BAZ1A: variants seen among roughly 807,000 people sequenced by gnomAD.
BAZ1A encodes the protein bromodomain adjacent to zinc finger domain 1A.
A neutral mutation model predicts 185.2 loss-of-function variants in BAZ1A; 50 were observed. The ratio of observed to expected loss-of-function variants is 0.27; its 90% CI spans 0.22 to 0.34. The LOEUF (loss-of-function observed/expected upper bound fraction) is 0.34. BAZ1A is among the 10% of genes least tolerant of loss of function. The pLI is 1.00. For missense variants in BAZ1A, 1,356 were observed against 1,839.9 expected, an observed-to-expected ratio of 0.74 and a Z score of 4.81; for synonymous variants, 571 against 615.6, an observed-to-expected ratio of 0.93 and a Z score of 1.07.
intron 3 of BAZ1A, among the ~76,000 whole-genome samples, chr14:34,857,919 C>T (rs1017155524): frequency 5.3e-5 from 8 of 152,178 alleles, no homozygotes; most frequent in Non-Finnish European, 1.2e-4. Flanking sequence ...CAACCACTTC[C>T]TCCCCTCACT....
At position 34,758,251 on chromosome 14, in the gene BAZ1A, G is replaced by A. The variant is rs10131860; in HGVS notation, c.4386+453C>T. On this transcript the variant is annotated intron_variant, in intron 25 of 26. Coordinates refer to ENST00000360310, the MANE Select transcript of BAZ1A (RefSeq NM_013448.3). ...GAACCAAAATATGCCACTGCACTCC[G>A]GCCTGGGCGACAGAAACCCTGTCTC... Among the ~76,000 whole-genome samples, 463 of 149,712 alleles carry A rather than the reference G, an allele frequency of 3.1e-3. 2 individuals carry two copies. The highest frequency in any genetic ancestry group is 0.011 in the African/African-American group (434 of 40,708).
At position 34,871,139 on chromosome 14, in the gene BAZ1A, G is replaced by T. The variant is rs138224936; in HGVS notation, c.113+3353C>A. ...ATCATTTTCCTATCCCACAAGTCAAGAAATTCTGTATTCAGACCTGTTCCA... is the reference window on the plus strand; with the variant it reads ...ATCATTTTCCTATCCCACAAGTCAATAAATTCTGTATTCAGACCTGTTCCA... On this transcript the variant is annotated intron_variant, in intron 2 of 26. Coordinates refer to ENST00000360310, the MANE Select transcript of BAZ1A (RefSeq NM_013448.3). Among the ~76,000 whole-genome samples the T allele has an allele frequency of 2.6e-3, 403 of 152,310 alleles. 1 individual carries two copies. Among genetic ancestry groups the T allele is most frequent in the Non-Finnish European group, 4.1e-3 (278 of 68,020 alleles).
intron 16 of BAZ1A, among the ~76,000 whole-genome samples, chr14:34,782,283 C>A (rs1228295536): frequency 1.3e-5 from 2 of 152,144 alleles, no homozygotes; most frequent in Non-Finnish European, 2.9e-5. Flanking sequence ...GAAGTGGTAT[C>A]TTACTGTGGT....
chr14:34,785,830 T>C lies in BAZ1A; in HGVS notation c.1778A>G (p.Asn593Ser), dbSNP rs1416183183. 1.9e-6 allele frequency: 3 copies of C among 1,613,940 alleles called. No homozygotes were observed. The East Asian group carries it at 6.7e-5, about 36-fold the overall frequency. The change falls in exon 14 of 27, where the codon AAT becomes AGT. Residue 593 changes from asparagine (N) to serine (S), a missense_variant. Physicochemically the swap from Asn to Ser is conservative, Grantham distance 46. Around this residue, in one of 7 missense-constraint regions of BAZ1A, gnomAD observed 184 missense variants for 355.1 expected, o/e 0.52. Coordinates refer to ENST00000360310, the MANE Select transcript of BAZ1A (RefSeq NM_013448.3). Reference sequence around the variant, plus strand: ...TGACAGTTTCTTCACTAGACTGGGATTGCTCAAACGAAGCTCCATACAAGC... The same window carrying C: ...TGACAGTTTCTTCACTAGACTGGGACTGCTCAAACGAAGCTCCATACAAGC... ...DDACMELRLS[N>S]PSLVKKLSST...
At chr14:34,875,040 G>C (rs1319724954) in intron 1 of BAZ1A, 98 bp downstream of exon 1, 2 of 257,946 alleles carry the variant, frequency 7.8e-6, no homozygotes, top group Non-Finnish European at 1.5e-5. Flanking sequence ...AACGCCGCCA[G>C]AGCGCTCGCC....
chr14:34,831,869 A>T (rs957033450), intron 3 of BAZ1A, among the ~76,000 whole-genome samples: 6 of 152,170 alleles, frequency 3.9e-5, no homozygotes, highest in Admixed American at 1.3e-4. Context: ...AAGTGAGAAT[A>T]TTATCGCTGA....
At chr14:34,866,980 C>G (rs986502914) in intron 2 of BAZ1A, among the ~76,000 whole-genome samples, 2 of 151,668 alleles carry the variant, frequency 1.3e-5, no homozygotes, top group East Asian at 1.9e-4. Flanking sequence ...AAAAAATCCG[C>G]CGGGCATGGT....
chr14:34,850,191 G>A (rs948870501), intron 3 of BAZ1A, among the ~76,000 whole-genome samples: 1 of 151,894 alleles, frequency 6.6e-6, no homozygotes, highest in Non-Finnish European at 1.5e-5. Context: ...CAGCCTGGGC[G>A]ACATGGCGAT....
chr14:34,778,436 TTC>T (rs1275030479), intron 17 of BAZ1A, among the ~76,000 whole-genome samples: 1 of 152,240 alleles, frequency 6.6e-6, no homozygotes, highest in African/African-American at 2.4e-5. Context: ...TATTTTTTCG[TTC>T]TATTTCTTTT....
At position 34,854,244 on chromosome 14, in the gene BAZ1A, T is replaced by C. The variant is rs556984977; in HGVS notation, c.392+7800A>G. 2.1e-4 allele frequency among the ~76,000 whole-genome samples: 32 copies of C among 151,984 alleles called. No individual in the cohort carries two copies. In the South Asian group the frequency reaches 6.2e-3, roughly 30 times the overall value. On this transcript the variant is annotated intron_variant, in intron 3 of 26. Transcript: ENST00000360310. Reference sequence around the variant, plus strand: ...GAGTTCGAGACCAGCCTGGCCAACATGGCAACTCCCTGTCTAAAAATACAA... The same window carrying C: ...GAGTTCGAGACCAGCCTGGCCAACACGGCAACTCCCTGTCTAAAAATACAA...
intron 4 of BAZ1A, among the ~76,000 whole-genome samples, chr14:34,820,917 G>T (rs910790342): frequency 6.6e-6 from 1 of 152,048 alleles, no homozygotes; most frequent in Non-Finnish European, 1.5e-5. Flanking sequence ...TTCATTGATC[G>T]ATCTGTCTAT....
intron 4 of BAZ1A, among the ~76,000 whole-genome samples, chr14:34,825,738 G>A (rs1049778444): frequency 2.6e-5 from 4 of 152,224 alleles, no homozygotes; most frequent in African/African-American, 9.6e-5. Context: ...AGGAGTTTGA[G>A]ACCAGCCTGG....
At chr14:34,839,125 G>A (rs1175832818) in intron 3 of BAZ1A, among the ~76,000 whole-genome samples, 1 of 152,150 alleles carries the variant, frequency 6.6e-6, no homozygotes, top group Non-Finnish European at 1.5e-5. Context: ...ACAGAAAACA[G>A]ATCAGTGGTT....
At chr14:34,822,189 G>C (rs539037318) in intron 4 of BAZ1A, among the ~76,000 whole-genome samples, 1 of 152,266 alleles carries the variant, frequency 6.6e-6, no homozygotes, top group South Asian at 2.1e-4. Flanking sequence ...CAGCTACTTG[G>C]GAGGCTGAGG....
chr14:34,785,747 G>C (rs1392260226), intron 14 of BAZ1A, 30 bp downstream of exon 14: 8 of 1,598,184 alleles, frequency 5.0e-6, no homozygotes, highest in Non-Finnish European at 6.9e-6. Flanking sequence ...AAGTGGGCAG[G>C]TTATGCAAAT....
chr14:34,875,329 G>A lies in BAZ1A; in HGVS notation c.-250C>T, dbSNP rs1389835968. 1.3e-5 allele frequency: 6 copies of A among 455,932 alleles called. No homozygotes were observed. The highest frequency in any genetic ancestry group is 2.6e-5 in the Non-Finnish European group (6 of 226,794). 28.2% of individuals were successfully genotyped at this position (455,932 alleles called of 1,614,324 possible). On this transcript the variant is annotated 5_prime_UTR_variant, in exon 1 of 27. Transcript: ENST00000360310. ...CACTTCCCCGCCTCTCGGAGCTCCTGGGAAGTTTCTGATCTACTTTCGGCT... is the reference window on the plus strand; with the variant it reads ...CACTTCCCCGCCTCTCGGAGCTCCTAGGAAGTTTCTGATCTACTTTCGGCT...
At chr14:34,784,549 G>C (rs370774747) in intron 14 of BAZ1A, among the ~76,000 whole-genome samples, 1 of 151,410 alleles carries the variant, frequency 6.6e-6, no homozygotes. Flanking sequence ...ACGGAGTCTC[G>C]CTCTGACGCC....
At chr14:34,757,322 G>A (rs565436116) in intron 25 of BAZ1A, among the ~76,000 whole-genome samples, 7 of 144,970 alleles carry the variant, frequency 4.8e-5, no homozygotes, top group Non-Finnish European at 1.0e-4. Context: ...CTGAGATCGC[G>A]CCATTGCACT....
intron 3 of BAZ1A, among the ~76,000 whole-genome samples, chr14:34,844,777 G>GCGCA (rs1429071176): frequency 1.5e-4 from 13 of 86,870 alleles, no homozygotes; most frequent in African/African-American, 3.3e-4. Context: ...ACACACACGC[G>GCGCA]CACACACACA....
Sources: gnomAD v4.1 joint callset for allele counts (sites outside exome capture counted in the v4.1 genomes callset) on GRCh38, gnomAD v4.1.1 for gene constraint, gnomAD v4.1.1 regional missense constraint, MANE v1.5 for transcripts, NCBI Gene and HGNC (gene_info 2026-07-23, HGNC 2026-07-21) for gene names.